The following CACNA2D3 variants were observed in gnomAD, a reference collection of about 807,000 sequenced individuals.
CACNA2D3 encodes the protein voltage-dependent calcium channel subunit alpha-2/delta-3.
In CACNA2D3, 60 loss-of-function variants were observed where a neutral mutation model predicts 160.6. That is an observed-to-expected ratio of 0.37 (90% CI 0.30 to 0.46). The LOEUF (loss-of-function observed/expected upper bound fraction) is 0.46, where lower values mean the gene tolerates loss of function less well. CACNA2D3 is among the 20% of genes least tolerant of loss of function. The pLI, the probability that CACNA2D3 is intolerant of heterozygous loss-of-function variation, is 1.00. For missense variants in CACNA2D3, 1,205 were observed against 1,365.0 expected (o/e 0.88, Z 1.85); for synonymous variants, 558 against 492.9 (o/e 1.13, Z -1.75).
chr3:54,889,374 C>T (rs1700002463), intron 24 of CACNA2D3, among the ~76,000 whole-genome samples: 1 of 152,076 alleles, frequency 6.6e-6, no homozygotes, highest in South Asian at 2.1e-4. Context: ...GTACAGTTTT[C>T]CCAGGGATTC....
At chr3:55,072,556 T>TGTTAA (rs767741168) in intron 35 of CACNA2D3, among the ~76,000 whole-genome samples, 2 of 152,260 alleles carry the variant, frequency 1.3e-5, no homozygotes, top group East Asian at 3.9e-4. Context: ...AATTTCCATT[T>TGTTAA]GTTAAGTTAA....
chr3:54,218,322 A>G (rs574022200), intron 2 of CACNA2D3, among the ~76,000 whole-genome samples: 27 of 152,300 alleles, frequency 1.8e-4, no homozygotes, highest in African/African-American at 6.0e-4. Context: ...GGGCAGCTGC[A>G]TCCGTCTCAG....
Position 54,410,021 on chromosome 3 carries a change from T to C in CACNA2D3, c.381+23247T>C, listed in dbSNP as rs1411433850. Among the ~76,000 whole-genome samples, 9 of 152,118 alleles carry C rather than the reference T, an allele frequency of 5.9e-5. No homozygotes were observed. In the South Asian group the frequency reaches 8.3e-4, roughly 14 times the overall value. ...ATAAGGCTGATGCAACAACCTTATA[T>C]TGGAAGAAGATGCTATCTAGGATTC... On this transcript the variant is annotated intron_variant, in intron 4 of 37. Coordinates refer to ENST00000474759, the MANE Select transcript of CACNA2D3 (RefSeq NM_018398.3).
At chr3:54,325,372 T>C (rs957395044) in intron 3 of CACNA2D3, among the ~76,000 whole-genome samples, 8 of 152,230 alleles carry the variant, frequency 5.3e-5, no homozygotes, top group African/African-American at 1.7e-4. Flanking sequence ...AAAAAGACTT[T>C]GGTGAATTTA....
At chr3:55,004,553 C>G (rs189672553) in intron 31 of CACNA2D3, among the ~76,000 whole-genome samples, 1 of 152,248 alleles carries the variant, frequency 6.6e-6, no homozygotes, top group Non-Finnish European at 1.5e-5. Flanking sequence ...TACCTTCGTT[C>G]CCTTTGTCCT....
At chr3:54,747,612 A>T (rs935813481) in intron 11 of CACNA2D3, among the ~76,000 whole-genome samples, 1 of 152,100 alleles carries the variant, frequency 6.6e-6, no homozygotes. Flanking sequence ...AGGGATCCAC[A>T]TGATGTGGCA....
At chr3:54,815,402 G>A (rs1221816545) in intron 13 of CACNA2D3, among the ~76,000 whole-genome samples, 2 of 152,306 alleles carry the variant, frequency 1.3e-5, no homozygotes, top group South Asian at 2.1e-4. Flanking sequence ...CACAGGGGCA[G>A]GGGTTTAGGG....
intron 4 of CACNA2D3, among the ~76,000 whole-genome samples, chr3:54,463,815 G>A (rs1296057210): frequency 2.0e-5 from 3 of 152,228 alleles, no homozygotes; most frequent in African/African-American, 7.2e-5. Context: ...TGCTGGTGAG[G>A]AACTGCGTTC....
intron 4 of CACNA2D3, among the ~76,000 whole-genome samples, chr3:54,434,241 C>T (rs185661953): frequency 1.3e-5 from 2 of 152,304 alleles, no homozygotes; most frequent in East Asian, 3.9e-4. Context: ...CTGTTTTCTT[C>T]CATTCTAGTG....
At chr3:54,626,155 G>T (rs949773877) in intron 9 of CACNA2D3, 8 of 659,764 alleles carry the variant, frequency 1.2e-5, no homozygotes, top group African/African-American at 3.6e-5. Context: ...AAAGCAAGGG[G>T]AGTCTCACGA....
intron 35 of CACNA2D3, among the ~76,000 whole-genome samples, chr3:55,045,295 C>T (rs866946633): frequency 1.3e-5 from 2 of 152,166 alleles, no homozygotes; most frequent in South Asian, 4.1e-4. Context: ...GGTGATCCAC[C>T]CACCTCGGCC....
chr3:55,008,043 T>G (rs1014495815), intron 33 of CACNA2D3, among the ~76,000 whole-genome samples: 2 of 152,208 alleles, frequency 1.3e-5, no homozygotes, highest in Non-Finnish European at 2.9e-5. Flanking sequence ...GATCACTCCT[T>G]ATGCTATTAG....
rs753590936 is a variant in CACNA2D3 at position 54,581,851 on chromosome 3, G to T, written c.937G>T (p.Val313Leu). The T allele has an allele frequency of 6.2e-7, 1 of 1,613,746 alleles. No homozygotes were observed. ...YVEPCLNGTL[V>L]QADRTNKEHF... ...GGAACCTTGCCTGAATGGAACTTTG[G>T]TGCAAGCCGACAGGACAAACAAAGA... The change falls in exon 9 of 38, where the codon GTG (valine) becomes TTG (leucine). Residue 313 changes from valine (V) to leucine (L), a missense_variant. Coordinates refer to ENST00000474759, the MANE Select transcript of CACNA2D3 (RefSeq NM_018398.3).
chr3:54,165,600 TAAA>T (rs373085382), intron 2 of CACNA2D3, among the ~76,000 whole-genome samples: 1 of 93,422 alleles, frequency 1.1e-5, no homozygotes, highest in South Asian at 4.3e-4. Flanking sequence ...GTTCCATCTC[TAAA>T]AAAAAAAAAA....
At chr3:54,670,302 G>A (rs1700136733) in intron 11 of CACNA2D3, among the ~76,000 whole-genome samples, 1 of 152,214 alleles carries the variant, frequency 6.6e-6, no homozygotes, top group South Asian at 2.1e-4. Context: ...TAGGTGCACA[G>A]ACGTGTGCTG....
chr3:54,831,042 C>G (rs1038369700), intron 14 of CACNA2D3, among the ~76,000 whole-genome samples: 2 of 151,842 alleles, frequency 1.3e-5, no homozygotes, highest in Non-Finnish European at 2.9e-5. Flanking sequence ...ATATGTTGAT[C>G]AATGTTAATA....
chr3:54,284,320 G>T (rs1038009530), intron 2 of CACNA2D3, among the ~76,000 whole-genome samples: 1 of 150,784 alleles, frequency 6.6e-6, no homozygotes, highest in African/African-American at 2.4e-5. Context: ...AAATAAAATG[G>T]TACAATTAAG....
chr3:54,580,797 C>G (rs9834076), intron 8 of CACNA2D3, among the ~76,000 whole-genome samples: 114,204 of 152,126 alleles, frequency 0.75, 43,633 homozygotes, highest in African/African-American at 0.88. Context: ...TGCACCAGAG[C>G]CTGCTTCCCA....
chr3:54,554,826 C>G (rs986994547), intron 5 of CACNA2D3, among the ~76,000 whole-genome samples: 3 of 150,260 alleles, frequency 2.0e-5, no homozygotes. Context: ...GTTGGAAGCC[C>G]CTCTTGAGAC....
Sources: gnomAD v4.1 joint callset for allele counts (sites outside exome capture counted in the v4.1 genomes callset) on GRCh38, gnomAD v4.1.1 for gene constraint, MANE v1.5 for transcripts, NCBI Gene and HGNC (gene_info 2026-07-23, HGNC 2026-07-21) for gene names.